The following INPP4B variants were observed in gnomAD, a reference collection of about 807,000 sequenced individuals.
The protein encoded by INPP4B is inositol polyphosphate 4-phosphatase type II.
INPP4B carries 55 observed loss-of-function variants against 122.5 expected under a neutral mutation model. The ratio of observed to expected loss-of-function variants is 0.45; its 90% CI spans 0.36 to 0.56. The LOEUF is 0.56. Among genes scored for constraint, INPP4B ranks in the 20% least tolerant of loss-of-function variants. The pLI, the probability that INPP4B is intolerant of heterozygous loss-of-function variation, is 0.00. For missense variants in INPP4B, 1,000 were observed against 1,097.7 expected, an observed-to-expected ratio of 0.91 and a Z score of 1.26; for synonymous variants, 403 against 388.7, an observed-to-expected ratio of 1.04 and a Z score of -0.43.
chr4:142,322,841 C>G (rs1042373652), intron 7 of INPP4B, among the ~76,000 whole-genome samples: 5 of 152,098 alleles, frequency 3.3e-5, no homozygotes, highest in African/African-American at 1.2e-4. Flanking sequence ...ACAGGTCACA[C>G]CCCAGAATAA....
chr4:142,657,413 A>C (rs1754359371), intron 2 of INPP4B, among the ~76,000 whole-genome samples: 1 of 152,192 alleles, frequency 6.6e-6, no homozygotes, highest in African/African-American at 2.4e-5. Context: ...GGAACTAATC[A>C]CACCCTTAAC....
intron 12 of INPP4B, among the ~76,000 whole-genome samples, chr4:142,209,303 T>C (rs1579295367): frequency 6.6e-6 from 1 of 152,296 alleles, no homozygotes; most frequent in East Asian, 1.9e-4. Context: ...AGACTTCCTA[T>C]TCTTATATAC....
intron 12 of INPP4B, among the ~76,000 whole-genome samples, chr4:142,216,324 A>C (rs1225277600): frequency 6.6e-6 from 1 of 152,188 alleles, no homozygotes; most frequent in Non-Finnish European, 1.5e-5. Context: ...GGGAGAAAAG[A>C]CTCAATAATA....
chr4:142,540,833 A>G (rs1052066053), intron 2 of INPP4B, among the ~76,000 whole-genome samples: 7 of 152,230 alleles, frequency 4.6e-5, no homozygotes, highest in African/African-American at 1.7e-4. Flanking sequence ...AGAAGAAAAC[A>G]TTGGGGTTAA....
chr4:142,672,848 G>T (rs1757196130), intron 2 of INPP4B, among the ~76,000 whole-genome samples: 1 of 152,034 alleles, frequency 6.6e-6, no homozygotes, highest in Non-Finnish European at 1.5e-5. Context: ...GTTTCCTCTG[G>T]AAGTTTTATG....
rs886400778 is a variant in INPP4B, at chr4:142,257,529, A to G, written c.688+2963T>C. 2.6e-4 allele frequency among the ~76,000 whole-genome samples: 39 copies of G among 152,134 alleles called. 1 individual carries two copies. Among genetic ancestry groups the G allele is most frequent in the African/African-American group, 7.0e-4 (29 of 41,520 alleles). ...AAGTCTCAGGATACAAAATCAATGT[A>G]CAAAAATCACAAGCATTCTTATACA... On this transcript the variant is annotated intron_variant, in intron 11 of 25. Coordinates refer to ENST00000262992, the MANE Select transcript of INPP4B (RefSeq NM_001101669.3).
At chr4:142,787,900 G>A (rs147753228) in intron 1 of INPP4B, among the ~76,000 whole-genome samples, 8 of 151,932 alleles carry the variant, frequency 5.3e-5, no homozygotes, top group African/African-American at 1.4e-4. Context: ...ATAGGTCACC[G>A]AGAAACTAGT....
At chr4:142,775,883 T>C (rs1773832100) in intron 1 of INPP4B, among the ~76,000 whole-genome samples, 1 of 152,134 alleles carries the variant, frequency 6.6e-6, no homozygotes. Flanking sequence ...CCTATTCATA[T>C]TTGGTAAGAG....
chr4:142,227,881 G>GAAAAAAA (rs1204465049), intron 12 of INPP4B, among the ~76,000 whole-genome samples: 1 of 107,104 alleles, frequency 9.3e-6, no homozygotes, highest in African/African-American at 3.6e-5. Flanking sequence ...AAAAAAAAAA[G>GAAAAAAA]AAAAAAAATT....
chr4:142,546,957 T>C (rs932048449), intron 2 of INPP4B, among the ~76,000 whole-genome samples: 2 of 152,170 alleles, frequency 1.3e-5, no homozygotes, highest in African/African-American at 4.8e-5. Context: ...TTTTATGCTC[T>C]TTTTCAAAAT....
At chr4:142,660,713 C>T (rs556301197) in intron 2 of INPP4B, 1 of 152,264 alleles carries the variant, frequency 6.6e-6, no homozygotes, top group African/African-American at 2.4e-5. Flanking sequence ...TTGAGCTGTC[C>T]TTACCCCTCC....
intron 17 of INPP4B, among the ~76,000 whole-genome samples, chr4:142,150,656 G>A (rs1266703701): frequency 1.3e-5 from 2 of 152,034 alleles, no homozygotes; most frequent in Non-Finnish European, 2.9e-5. Flanking sequence ...TTATTTCTGG[G>A]TTACAACCTA....
At chr4:142,405,120 G>GGGGC (rs1481521642) in intron 6 of INPP4B, 86 bp downstream of exon 6, 4 of 701,442 alleles carry the variant, frequency 5.7e-6, no homozygotes, top group Non-Finnish European at 1.0e-5. Flanking sequence ...GGCGGGGGTG[G>GGGGC]GGGGGAGGGA....
chr4:142,143,388 T>G (rs993808639), intron 18 of INPP4B, among the ~76,000 whole-genome samples: 2 of 152,048 alleles, frequency 1.3e-5, no homozygotes, highest in African/African-American at 4.8e-5. Context: ...CACAGTGTGA[T>G]TCTCCCTTTA....
intron 12 of INPP4B, 64 bp from the exon 13 acceptor site, chr4:142,209,090 TAGTC>T (rs1451406754): frequency 8.4e-7 from 1 of 1,187,632 alleles, no homozygotes; most frequent in Non-Finnish European, 1.2e-6. Context: ...GCATAACCCT[TAGTC>T]AGAGTTGTCA....
chr4:142,051,722 A>G (rs1028592289), intron 25 of INPP4B, among the ~76,000 whole-genome samples: 6 of 152,210 alleles, frequency 3.9e-5, no homozygotes, highest in African/African-American at 1.2e-4. Flanking sequence ...ACCTAAATTG[A>G]TATCCACATA....
intron 12 of INPP4B, among the ~76,000 whole-genome samples, chr4:142,224,996 C>A (rs113354657): frequency 0.1 from 15,272 of 151,988 alleles, 862 homozygotes; most frequent in Middle Eastern, 0.14. Context: ...TTGAAGGATG[C>A]AAAGTATTGT....
intron 2 of INPP4B, among the ~76,000 whole-genome samples, chr4:142,596,403 A>G (rs1018833092): frequency 6.6e-5 from 10 of 152,234 alleles, no homozygotes; most frequent in African/African-American, 2.4e-4. Context: ...CATATGAAGA[A>G]GCTCAGAATG....
chr4:142,836,720 A>G lies in INPP4B; in HGVS notation c.-254+9489T>C, dbSNP rs553698546. On this transcript the variant is annotated intron_variant, in intron 1 of 25. Coordinates refer to ENST00000262992, the MANE Select transcript of INPP4B (RefSeq NM_001101669.3). Reference sequence around the variant, plus strand: ...TTAGGTAAATGAAAAAGTACTGTCTACACACACACACACACACACACACAC... The same window carrying G: ...TTAGGTAAATGAAAAAGTACTGTCTGCACACACACACACACACACACACAC... 2.2e-4 allele frequency among the ~76,000 whole-genome samples: 11 copies of G among 49,198 alleles called. No individual in the cohort carries two copies. The South Asian group carries it at 5.7e-3, about 26-fold the overall frequency. The allele number at this position is 49,198 out of a possible 152,430, so 32.3% of individuals were successfully genotyped here.
Sources: allele counts gnomAD v4.1 joint callset (sites outside exome capture counted in the v4.1 genomes callset), GRCh38; gene constraint gnomAD v4.1.1; transcripts MANE v1.5; gene names NCBI Gene and HGNC (gene_info 2026-07-23, HGNC 2026-07-21).